RADIL: variants seen among roughly 807,000 people sequenced by gnomAD.
RADIL encodes the protein Rap associating with DIL domain.
Under a neutral mutation model 97.6 loss-of-function variants are expected in RADIL, and 99 were observed. The ratio of observed to expected loss-of-function variants is 1.01; its 90% CI spans 0.86 to 1.20. The LOEUF is 1.20. RADIL is among the 50% of genes most tolerant of loss of function. The pLI is 0.00. For synonymous variants in RADIL, 803 were observed against 691.8 expected, an observed-to-expected ratio of 1.16 and a Z score of -2.52; for missense variants, 1,765 against 1,498.9, an observed-to-expected ratio of 1.18 and a Z score of -2.93.
intron 3 of RADIL, 72 bp downstream of exon 3, chr7:4,836,286 C>T (rs2115003668): frequency 6.5e-7 from 1 of 1,544,380 alleles, no homozygotes; most frequent in East Asian, 2.4e-5. Flanking sequence ...CAGGCGGAGG[C>T]CTTGACTTCT....
chr7:4,820,887 C>T (rs943044942), intron 6 of RADIL, among the ~76,000 whole-genome samples: 1 of 152,226 alleles, frequency 6.6e-6, no homozygotes, highest in African/African-American at 2.4e-5. Flanking sequence ...CCTCTCACCA[C>T]GGAGAGCCCC....
rs920502315 is a variant in RADIL, at chr7:4,837,026, G to A, written c.536-421C>T. 2.0e-5 allele frequency among the ~76,000 whole-genome samples: 3 copies of A among 152,114 alleles called. No individual in the cohort carries two copies. Among genetic ancestry groups the A allele is most frequent in the Admixed American group, 6.5e-5 (1 of 15,270 alleles). On this transcript the variant is annotated intron_variant, in intron 2 of 14. Coordinates refer to ENST00000399583, the MANE Select transcript of RADIL (RefSeq NM_018059.5). The surrounding 1 kb of genome is among the most constrained non-coding windows in gnomAD (Gnocchi z 5.6). ...CCACTAAGCCACGTCTCCTAATGCC[G>A]TTACTGTTCTGTCAAAACAGGTCTG... is the stretch of plus-strand genomic sequence containing the variant.
chr7:4,822,273 GCCCCCGGCATGAATC>G lies in RADIL; in HGVS notation c.1615+106_1615+120del, dbSNP rs1032823718. 29 of 1,246,808 alleles carry G rather than the reference GCCCCCGGCATGAATC, an allele frequency of 2.3e-5. No homozygotes were observed. Among genetic ancestry groups the G allele is most frequent in the Non-Finnish European group, 3.0e-5 (28 of 923,596 alleles). The allele number at this position is 1,246,808 out of a possible 1,614,324, so 77.2% of individuals were successfully genotyped here. A position where few individuals can be genotyped will look rare whatever the true frequency, so the allele number is the denominator to read the frequency against. On this transcript the variant is annotated intron_variant, in intron 6 of 14. Coordinates refer to ENST00000399583, the MANE Select transcript of RADIL (RefSeq NM_018059.5). This position sits in a 1 kb window ranked among gnomAD's most constrained non-coding sequence, Gnocchi z 5.3. ...ACATGGCAGCCTAGGGACTGAGGAA[GCCCCCGGCATGAATC>G]CACCCCTGCTATCATGGCCAACTAG...
At chr7:4,843,333 C>T (rs1783493694) in intron 2 of RADIL, among the ~76,000 whole-genome samples, 1 of 151,934 alleles carries the variant, frequency 6.6e-6, no homozygotes, top group Non-Finnish European at 1.5e-5. Flanking sequence ...TTTAAAGTGG[C>T]CCCTAGTAAC....
In RADIL at chr7:4,873,834, A is replaced by G. The variant is rs1318316678; in HGVS notation, c.535+3771T>C. 1.3e-5 allele frequency among the ~76,000 whole-genome samples: 2 copies of G among 152,220 alleles called. No individual in the cohort carries two copies. The highest frequency in any genetic ancestry group is 2.4e-5 in the African/African-American group (1 of 41,458). ...TAATGGAGAGGACACGGTGGGTGTT[A>G]GGAAAGCCTCCCCACCACGATTCTT... On this transcript the variant is annotated intron_variant, in intron 2 of 14. Coordinates refer to ENST00000399583, the MANE Select transcript of RADIL (RefSeq NM_018059.5). The surrounding 1 kb of genome is among the most constrained non-coding windows in gnomAD (Gnocchi z 4.3).
In RADIL at chr7:4,840,759, G is replaced by T. The variant is rs1414877627; in HGVS notation, c.536-4154C>A. ...CGAGGCAGGTGGATCACGAGGTCAA[G>T]AAATCAAGACCATCCTGGCCAACAT... On this transcript the variant is annotated intron_variant, in intron 2 of 14. Transcript: ENST00000399583. This position sits in a 1 kb window ranked among gnomAD's most constrained non-coding sequence, Gnocchi z 5.6. 6.6e-6 allele frequency among the ~76,000 whole-genome samples: 1 copy of T among 152,180 alleles called. No homozygotes were observed. Among genetic ancestry groups the T allele is most frequent in the Non-Finnish European group, 1.5e-5 (1 of 68,028 alleles).
At position 4,801,799 on chromosome 7, in the gene RADIL, G is replaced by T; in HGVS notation, c.2696C>A (p.Ser899Ter). ...GSQAGPPHTD[S>*]SCLLTPPSTP... ...GCTGGGAGGCGTGAGCAAGCAGGAC[G>T]AGTCCGTGTGCGGGGGGCCAGCCTG... Residue 899 changes from serine (S) to a stop codon, truncating the protein, a stop_gained, in exon 12 of 15, where the codon TCG becomes TAG. Transcript: ENST00000399583. LOFTEE classifies it high-confidence loss of function. 1 of 1,609,410 alleles carries T rather than the reference G, an allele frequency of 6.2e-7. No homozygotes were observed.
At chr7:4,852,832 C>T (rs529108010) in intron 2 of RADIL, among the ~76,000 whole-genome samples, 4 of 152,272 alleles carry the variant, frequency 2.6e-5, no homozygotes, top group African/African-American at 7.2e-5. Flanking sequence ...CGTGAGCCAC[C>T]GCGCCTGGCC....
rs1034959508 is a variant in RADIL at position 4,846,365 on chromosome 7, T to C, written c.536-9760A>G. On this transcript the variant is annotated intron_variant, in intron 2 of 14. Transcript: ENST00000399583. Reference sequence around the variant, plus strand: ...TTTCACCATGTTGTCCAGTGTGGTCTCGATCTCCTGACCTCGTGAGCCACC... The same window carrying C: ...TTTCACCATGTTGTCCAGTGTGGTCCCGATCTCCTGACCTCGTGAGCCACC... Among the ~76,000 whole-genome samples, 93 of 152,114 alleles carry C rather than the reference T, an allele frequency of 6.1e-4. 1 individual carries two copies. The highest frequency in any genetic ancestry group is 2.1e-3 in the African/African-American group (88 of 41,518).
intron 2 of RADIL, among the ~76,000 whole-genome samples, chr7:4,848,210 C>A (rs1783622552): frequency 8.0e-6 from 1 of 125,676 alleles, no homozygotes. Context: ...GAGTGAGACC[C>A]CGTCTCAAAA....
In RADIL at chr7:4,801,745, G is replaced by T; in HGVS notation, c.2750C>A (p.Pro917His). The T allele has an allele frequency of 2.5e-6, 4 of 1,610,592 alleles. No individual in the cohort carries two copies. The highest frequency in any genetic ancestry group is 3.4e-6 in the Non-Finnish European group (4 of 1,179,152). ...GGGGCCGCCGGACTCTGGCCAGTCG[G>T]GGTCCCCAGGCTCAGGGCCAAGTGG... ...STPLGPEPGDPDWPESGGPCG... is the reference protein window; with the variant it reads ...STPLGPEPGDHDWPESGGPCG... Residue 917 changes from proline to histidine, a missense_variant, in exon 12 of 15, where the codon CCC becomes CAC. Transcript: ENST00000399583.
rs920678896 is a variant in RADIL at position 4,814,435 on chromosome 7, G to C, written c.2139+843C>G. Among the ~76,000 whole-genome samples the C allele has an allele frequency of 4.6e-5, 7 of 152,218 alleles. No homozygotes were observed. Among genetic ancestry groups the C allele is most frequent in the African/African-American group, 1.7e-4 (7 of 41,528 alleles). ...GCGGGTTCAAGCGATTCGCCCTGTG[G>C]CCACTGTCACCATCACAGTACAGCA... On this transcript the variant is annotated intron_variant, in intron 9 of 14. Coordinates refer to ENST00000399583, the MANE Select transcript of RADIL (RefSeq NM_018059.5). This position sits in a 1 kb window ranked among gnomAD's most constrained non-coding sequence, Gnocchi z 4.5.
Position 4,835,040 on chromosome 7 carries a change from T to G in RADIL, c.983A>C (p.Asn328Thr). The stretch of plus-strand genomic sequence containing the variant: ...GGTCCTGTGCCCCACCTCGGAGAAG[T>G]TGACGGAGATGTGCGCCCCGGGGAT... Reference protein sequence around the residue: ...EPIPGAHISVNFSEVGHRTVV... With the variant: ...EPIPGAHISVTFSEVGHRTVV... The change falls in exon 4 of 15, where the codon AAC (asparagine) becomes ACC (threonine). Residue 328 changes from asparagine (N) to threonine (T), a missense_variant. Transcript: ENST00000399583. The surrounding 1 kb of genome is among the most constrained non-coding windows in gnomAD (Gnocchi z 5.8). 6.2e-7 allele frequency: 1 copy of G among 1,610,264 alleles called. No individual in the cohort carries two copies. The highest frequency in any genetic ancestry group is 8.5e-7 in the Non-Finnish European group (1 of 1,178,780).
At chr7:4,806,329 TTTTG>T (rs2115167226) in intron 9 of RADIL, among the ~76,000 whole-genome samples, 1 of 152,092 alleles carries the variant, frequency 6.6e-6, no homozygotes, top group South Asian at 2.1e-4. Flanking sequence ...AGTTTTTTGT[TTTTG>T]TTTTTTTTTG....
intron 2 of RADIL, among the ~76,000 whole-genome samples, chr7:4,845,807 G>A (rs1336837858): frequency 3.9e-5 from 6 of 152,218 alleles, no homozygotes; most frequent in Non-Finnish European, 8.8e-5. Flanking sequence ...ATGGGTAACT[G>A]AGGAGATAAA....
At chr7:4,865,731 A>G (rs1419626372) in intron 2 of RADIL, 2 of 1,076,020 alleles carry the variant, frequency 1.9e-6, no homozygotes, top group Non-Finnish European at 2.9e-6. Context: ...GGTGGGTGCA[A>G]TCAAGAGTGA....
rs182395577 is a variant in RADIL, at chr7:4,836,922, G to A, written c.536-317C>T. Among the ~76,000 whole-genome samples the A allele has an allele frequency of 2.2e-3, 342 of 152,198 alleles. 1 individual carries two copies. Among genetic ancestry groups the A allele is most frequent in the African/African-American group, 7.7e-3 (319 of 41,524 alleles). On this transcript the variant is annotated intron_variant, in intron 2 of 14. Transcript: ENST00000399583. Reference sequence around the variant, plus strand: ...CACTGCACTCCAGCCTGGGTGACAAGAGCGAAACTCCATCCCCCGCCAAAA... The same window carrying A: ...CACTGCACTCCAGCCTGGGTGACAAAAGCGAAACTCCATCCCCCGCCAAAA...
intron 9 of RADIL, among the ~76,000 whole-genome samples, chr7:4,811,924 G>C (rs1782560128): frequency 6.6e-6 from 1 of 151,720 alleles, no homozygotes; most frequent in Admixed American, 6.6e-5. Context: ...GTCCAGGCTG[G>C]AGTGCAGTGG....
intron 2 of RADIL, among the ~76,000 whole-genome samples, chr7:4,869,011 C>T (rs1357341551): frequency 6.6e-6 from 1 of 152,196 alleles, no homozygotes; most frequent in African/African-American, 2.4e-5. Context: ...TCTGTGATCC[C>T]AGCTATTCAG....
Sources: allele counts gnomAD v4.1 joint callset (sites outside exome capture counted in the v4.1 genomes callset), GRCh38; gene constraint gnomAD v4.1.1; non-coding constraint Gnocchi (gnomAD v3.1); transcripts MANE v1.5; gene names NCBI Gene and HGNC (gene_info 2026-07-23, HGNC 2026-07-21).